CUBN: variants seen among roughly 807,000 people sequenced by gnomAD.
CUBN encodes 460 kDa receptor.
CUBN carries 282 observed loss-of-function variants against 405.3 expected under a neutral mutation model. That is an observed-to-expected ratio of 0.70 (90% CI 0.63 to 0.77). CUBN has a LOEUF of 0.77. CUBN is among the 30% of genes least tolerant of loss of function. CUBN has a pLI of 0.00. For synonymous variants in CUBN, 1,684 were observed against 1,617.0 expected, an observed-to-expected ratio of 1.04 and a Z score of -0.99; for missense variants, 4,514 against 4,475.2, an observed-to-expected ratio of 1.01 and a Z score of -0.25.
At chr10:17,023,639 C>T in intron 27 of CUBN, 1 of 455,860 alleles carries the variant, frequency 2.2e-6, no homozygotes, top group Non-Finnish European at 4.4e-6. Context: ...TGACTCATTG[C>T]AACTACTGAC....
rs1343005689 is a variant in CUBN at position 16,881,218 on chromosome 10, T to C, written c.8906-4121A>G. On this transcript the variant is annotated intron_variant, in intron 56 of 66. Transcript: ENST00000377833. ...AATCTTGGTCCCACATTTGATCAAA[T>C]AGGCTGCTATGCATGTGTTAGGTAT... Among the ~76,000 whole-genome samples, 3 of 152,166 alleles carry C rather than the reference T, an allele frequency of 2.0e-5. No individual in the cohort carries two copies. In the East Asian group the frequency reaches 5.8e-4, roughly 29 times the overall value.
In CUBN at chr10:16,915,038, T is replaced by C. The variant is rs539101208; in HGVS notation, c.7345A>G (p.Met2449Val). Residue 2449 changes from methionine to valine, a missense_variant, in exon 47 of 67, where the codon ATG becomes GTG. Met to Val is a conservative substitution (Grantham distance 21, BLOSUM62 1). Transcript: ENST00000377833. The part of the protein sequence containing the change: ...SGFRLRFESS[M>V]EECGGDLQGS... Reference sequence around the variant, plus strand: ...AATGAATCAATGAACTCACCTTCCATACTGGATTCAAATCGCAGTCTGAAT... The same window carrying C: ...AATGAATCAATGAACTCACCTTCCACACTGGATTCAAATCGCAGTCTGAAT... 1 of 1,613,718 alleles carries C rather than the reference T, an allele frequency of 6.2e-7. No individual in the cohort carries two copies. The highest frequency in any genetic ancestry group is 8.5e-7 in the Non-Finnish European group (1 of 1,179,792).
At chr10:17,074,787 C>T (rs1835817027) in intron 17 of CUBN, among the ~76,000 whole-genome samples, 2 of 152,138 alleles carry the variant, frequency 1.3e-5, no homozygotes, top group South Asian at 2.1e-4. Context: ...TGATTTTATT[C>T]TGTTACTCTA....
At chr10:17,001,745 A>G (rs1394037684) in intron 28 of CUBN, among the ~76,000 whole-genome samples, 1 of 152,220 alleles carries the variant, frequency 6.6e-6, no homozygotes, top group Non-Finnish European at 1.5e-5. Context: ...TTTTTATCAT[A>G]ATATCTTCAG....
At chr10:16,834,124 C>A (rs1839095276) in intron 64 of CUBN, among the ~76,000 whole-genome samples, 1 of 152,194 alleles carries the variant, frequency 6.6e-6, no homozygotes. Flanking sequence ...AAAGCTCAAA[C>A]CCCGTGAGCT....
intron 28 of CUBN, among the ~76,000 whole-genome samples, chr10:17,017,404 C>G (rs773984816): frequency 5.9e-5 from 9 of 152,126 alleles, no homozygotes; most frequent in Non-Finnish European, 7.4e-5. Context: ...CTGACACATT[C>G]TTGAAAACCT....
chr10:16,840,563 G>A, intron 61 of CUBN, 28 bp from the exon 62 acceptor site: 2 of 1,523,566 alleles, frequency 1.3e-6, no homozygotes, highest in African/African-American at 1.4e-5. Flanking sequence ...AGCAACACAG[G>A]AGACATTTTA....
chr10:17,052,632 T>C (rs1370886000), intron 22 of CUBN, among the ~76,000 whole-genome samples: 1 of 151,126 alleles, frequency 6.6e-6, no homozygotes, highest in Non-Finnish European at 1.5e-5. Context: ...TGCTGGTGCA[T>C]GCCTGTAGTC....
intron 4 of CUBN, among the ~76,000 whole-genome samples, chr10:17,124,122 A>G (rs1837111631): frequency 6.6e-6 from 1 of 152,166 alleles, no homozygotes; most frequent in African/African-American, 2.4e-5. Flanking sequence ...CCTCGAGGTG[A>G]GCCTTTGAAA....
chr10:17,093,010 T>G (rs1836298340), intron 14 of CUBN, among the ~76,000 whole-genome samples: 1 of 152,206 alleles, frequency 6.6e-6, no homozygotes, highest in Admixed American at 6.5e-5. Context: ...AGCAAAGGAC[T>G]GTAATCTCTG....
chr10:17,060,972 C>T (rs1835493208), intron 22 of CUBN, among the ~76,000 whole-genome samples: 1 of 152,102 alleles, frequency 6.6e-6, no homozygotes, highest in African/African-American at 2.4e-5. Flanking sequence ...TCACTTGAAC[C>T]TAGGAGGCAG....
chr10:16,969,807 A>AT (rs370608538), intron 31 of CUBN, among the ~76,000 whole-genome samples: 1 of 152,224 alleles, frequency 6.6e-6, no homozygotes, highest in Non-Finnish European at 1.5e-5. Flanking sequence ...AGAGCTTTCT[A>AT]TTGTATTCCC....
At chr10:16,931,918 A>G (rs1376111628) in intron 40 of CUBN, among the ~76,000 whole-genome samples, 2 of 152,220 alleles carry the variant, frequency 1.3e-5, no homozygotes, top group Non-Finnish European at 2.9e-5. Context: ...ATTTTTTAAA[A>G]CTTCTAGTAG....
At chr10:16,967,930 A>G (rs1185474701) in intron 31 of CUBN, among the ~76,000 whole-genome samples, 1 of 149,560 alleles carries the variant, frequency 6.7e-6, no homozygotes, top group East Asian at 2.0e-4. Context: ...AGAGAGGGAG[A>G]GAGAGCAAGA....
chr10:16,948,753 T>C (rs1842849822), intron 34 of CUBN, 147 bp from the exon 35 acceptor site: 1 of 917,318 alleles, frequency 1.1e-6, no homozygotes, highest in Non-Finnish European at 1.7e-6. Flanking sequence ...TCAGGGTCAA[T>C]GTTTGAGACA....
At chr10:17,055,704 G>C (rs1029783531) in intron 22 of CUBN, among the ~76,000 whole-genome samples, 6 of 152,086 alleles carry the variant, frequency 3.9e-5, no homozygotes, top group African/African-American at 1.4e-4. Context: ...CGAAACACTT[G>C]ATAACAAGTT....
At chr10:17,047,023 G>T (rs1056408798) in intron 23 of CUBN, among the ~76,000 whole-genome samples, 1 of 151,990 alleles carries the variant, frequency 6.6e-6, no homozygotes, top group Non-Finnish European at 1.5e-5. Flanking sequence ...TTGCTATCCT[G>T]CCATCATTTT....
Position 16,852,742 on chromosome 10 carries a change from CAT to C in CUBN, c.9455-1301_9455-1300del, listed in dbSNP as rs139730415. 2.0e-5 allele frequency among the ~76,000 whole-genome samples: 3 copies of C among 152,282 alleles called. No homozygotes were observed. The East Asian group carries it at 5.8e-4, about 29-fold the overall frequency. ...CATAATAAAGCTGGTGGAAAATGTG[CAT>C]ATGTTTTACTTTTATGTTCCGCTTT... On this transcript the variant is annotated intron_variant, in intron 59 of 66. Transcript: ENST00000377833.
At chr10:16,945,834 T>A (rs1025994081) in intron 36 of CUBN, among the ~76,000 whole-genome samples, 1 of 151,542 alleles carries the variant, frequency 6.6e-6, no homozygotes, top group African/African-American at 2.4e-5. Flanking sequence ...TAAACTTGCA[T>A]TGCCTTTCGG....
Sources: gnomAD v4.1 joint callset for allele counts (sites outside exome capture counted in the v4.1 genomes callset) on GRCh38, gnomAD v4.1.1 for gene constraint, MANE v1.5 for transcripts, NCBI Gene and HGNC (gene_info 2026-07-23, HGNC 2026-07-21) for gene names.